Variants in NBEA observed in about 807,000 individuals in gnomAD.
The protein encoded by NBEA is neurobeachin, also known as lysosomal-trafficking regulator 2.
Under a neutral mutation model 343.4 loss-of-function variants are expected in NBEA, and 44 were observed. That is an observed-to-expected ratio of 0.13 (90% CI 0.10 to 0.16). The LOEUF (loss-of-function observed/expected upper bound fraction) is 0.16, where lower values mean the gene tolerates loss of function less well. Ranked by LOEUF, NBEA falls within the 10% of genes least tolerant of loss-of-function variation. NBEA has a pLI of 1.00. For synonymous variants in NBEA, 1,175 were observed against 1,238.7 expected (o/e 0.95, Z 1.08); for missense variants, 2,555 against 3,631.3 (o/e 0.70, Z 7.62).
At chr13:35,099,436 G>A (rs1163006836) in intron 11 of NBEA, among the ~76,000 whole-genome samples, 2 of 152,118 alleles carry the variant, frequency 1.3e-5, no homozygotes, top group Non-Finnish European at 2.9e-5. Context: ...CTGGCCTCAA[G>A]TGATCTGCCC....
At chr13:35,545,138 G>A (rs1379096611) in intron 41 of NBEA, among the ~76,000 whole-genome samples, 1 of 152,134 alleles carries the variant, frequency 6.6e-6, no homozygotes, top group Non-Finnish European at 1.5e-5. Context: ...AAATAAAGAA[G>A]ACGATTTTAT....
chr13:35,458,622 T>C (rs1306408411), intron 40 of NBEA, among the ~76,000 whole-genome samples: 2 of 152,218 alleles, frequency 1.3e-5, no homozygotes, highest in African/African-American at 2.4e-5. Flanking sequence ...AGTTTTGTTT[T>C]GTCTTTTGTT....
intron 1 of NBEA, among the ~76,000 whole-genome samples, chr13:34,956,389 GTTT>G (rs768937551): frequency 9.6e-6 from 1 of 104,378 alleles, no homozygotes. Flanking sequence ...AGTGAAAGTT[GTTT>G]TTTTTTTTTT....
intron 38 of NBEA, among the ~76,000 whole-genome samples, chr13:35,377,966 ATTACT>A (rs796952567): frequency 2.2e-4 from 33 of 152,332 alleles, no homozygotes; most frequent in African/African-American, 7.2e-4. Context: ...CTCTTCAGTA[ATTACT>A]TTAAGACAGC....
intron 44 of NBEA, among the ~76,000 whole-genome samples, chr13:35,557,914 C>T (rs1050122002): frequency 7.2e-5 from 11 of 152,044 alleles, no homozygotes; most frequent in African/African-American, 2.7e-4. Context: ...ATTATCATAC[C>T]TTCTGTGGAG....
chr13:34,949,787 CAAG>C (rs554867687), intron 1 of NBEA, among the ~76,000 whole-genome samples: 88 of 151,760 alleles, frequency 5.8e-4, no homozygotes, highest in Non-Finnish European at 1.1e-3. Context: ...GAGGTACCAC[CAAG>C]AAGAATATTG....
At position 35,670,905 on chromosome 13, in the gene NBEA, C is replaced by T; in HGVS notation, c.8818C>T (p.Leu2940=). ...CTGCTGTTTCTGCTTTTCCAGGACT[C>T]TGATCACTGGCATGGCTTCTGGTAG... is the stretch of plus-strand genomic sequence containing the variant. ...AMDLSHDQRT[L]ITGMASGSIV... Residue 2940 remains leucine (L), a synonymous_variant, in exon 59 of 59, where the codon CTG becomes TTG. Coordinates refer to ENST00000379939, the MANE Select transcript of NBEA (RefSeq NM_001385012.1). 6.3e-7 allele frequency: 1 copy of T among 1,592,040 alleles called. No homozygotes were observed. Among genetic ancestry groups the T allele is most frequent in the East Asian group, 2.3e-5 (1 of 44,432 alleles).
intron 33 of NBEA, among the ~76,000 whole-genome samples, chr13:35,228,097 G>A (rs2074764234): frequency 6.6e-6 from 1 of 151,852 alleles, no homozygotes; most frequent in Admixed American, 6.6e-5. Context: ...TGGATTAATT[G>A]TATTTTTATT....
intron 33 of NBEA, among the ~76,000 whole-genome samples, chr13:35,214,820 G>A (rs1480710880): frequency 1.3e-5 from 2 of 151,558 alleles, no homozygotes; most frequent in Non-Finnish European, 3.0e-5. Context: ...TAAAAGTTTT[G>A]TAGTTTTATC....
chr13:35,130,722 C>T (rs1269612557), intron 17 of NBEA, among the ~76,000 whole-genome samples: 1 of 150,722 alleles, frequency 6.6e-6, no homozygotes, highest in Non-Finnish European at 1.5e-5. Flanking sequence ...TTTTCAAACA[C>T]ACAAAACTAT....
intron 8 of NBEA, among the ~76,000 whole-genome samples, chr13:35,066,913 TA>T (rs1253948388): frequency 1.3e-5 from 2 of 152,172 alleles, no homozygotes; most frequent in East Asian, 3.9e-4. Context: ...TTTCAATTTT[TA>T]AATAATTTTT....
intron 38 of NBEA, among the ~76,000 whole-genome samples, chr13:35,404,340 C>T (rs1329892961): frequency 6.6e-6 from 1 of 151,416 alleles, no homozygotes; most frequent in Non-Finnish European, 1.5e-5. Flanking sequence ...ATAGCAAAGA[C>T]TTGGAACCAA....
At chr13:35,006,128 G>A (rs955751754) in intron 1 of NBEA, among the ~76,000 whole-genome samples, 26 of 152,058 alleles carry the variant, frequency 1.7e-4, no homozygotes, top group Middle Eastern at 3.4e-3. Flanking sequence ...AATTATTGAC[G>A]TGTTTGAATT....
chr13:35,349,100 C>T lies in NBEA; in HGVS notation c.5904-8C>T. 3 of 1,489,020 alleles carry T rather than the reference C, an allele frequency of 2.0e-6. No individual in the cohort carries two copies. Among genetic ancestry groups the T allele is most frequent in the Admixed American group, 2.0e-5 (1 of 50,060 alleles). The allele number at this position is 1,489,020 out of a possible 1,614,324, so 92.2% of individuals were successfully genotyped here. On this transcript the variant is annotated splice_polypyrimidine_tract_variant and splice_region_variant and intron_variant, in intron 36 of 58. Transcript: ENST00000379939. ...GAATAATATTTCTAAAGGTATTTTT[C>T]TTTTTAGATTACTGTGCCATGCTAT...
At chr13:35,615,328 C>G (rs2082693480) in intron 48 of NBEA, among the ~76,000 whole-genome samples, 1 of 150,798 alleles carries the variant, frequency 6.6e-6, no homozygotes, top group South Asian at 2.1e-4. Flanking sequence ...AGTTATTGAC[C>G]TGAAACCCAT....
chr13:35,461,482 G>A (rs898825304), intron 40 of NBEA, among the ~76,000 whole-genome samples: 2 of 152,178 alleles, frequency 1.3e-5, no homozygotes, highest in Admixed American at 6.5e-5. Context: ...TCTATATGGA[G>A]GTGACTAAGC....
chr13:35,055,110 A>T (rs977428641), intron 6 of NBEA, among the ~76,000 whole-genome samples: 8 of 152,158 alleles, frequency 5.3e-5, no homozygotes, highest in African/African-American at 1.9e-4. Context: ...TGTAGAACAA[A>T]GTTTGTATTT....
At chr13:35,070,653 G>T in intron 9 of NBEA, 66 bp from the exon 10 acceptor site, 1 of 1,373,652 alleles carries the variant, frequency 7.3e-7, no homozygotes, top group Non-Finnish European at 9.9e-7. Flanking sequence ...AAGGTATTTG[G>T]AACAAGGAAA....
intron 10 of NBEA, among the ~76,000 whole-genome samples, chr13:35,091,850 T>G (rs574026422): frequency 6.6e-6 from 1 of 152,142 alleles, no homozygotes; most frequent in South Asian, 2.1e-4. Context: ...AAAGATGTCA[T>G]TAAATTGGTA....
Sources: gnomAD v4.1 joint callset for allele counts (sites outside exome capture counted in the v4.1 genomes callset) on GRCh38, gnomAD v4.1.1 for gene constraint, MANE v1.5 for transcripts, NCBI Gene and HGNC (gene_info 2026-07-23, HGNC 2026-07-21) for gene names.